GGT1: variants seen among roughly 807,000 people sequenced by gnomAD.
GGT1 encodes the protein glutathione hydrolase 1 proenzyme.
Under a neutral mutation model 56.0 loss-of-function variants are expected in GGT1, and 21 were observed. The ratio of observed to expected loss-of-function variants is 0.38; its 90% CI spans 0.27 to 0.54. The LOEUF (loss-of-function observed/expected upper bound fraction) is 0.54. Ranked by LOEUF, GGT1 falls within the 20% of genes least tolerant of loss-of-function variation. The pLI is 0.82. For missense variants in GGT1, 466 were observed against 787.0 expected (o/e 0.59, Z 4.88); for synonymous variants, 238 against 342.6 (o/e 0.69, Z 3.37).
At chr22:24,625,722 T>C (rs943315530) in intron 11 of GGT1, among the ~76,000 whole-genome samples, 2 of 151,736 alleles carry the variant, frequency 1.3e-5, no homozygotes, top group African/African-American at 4.8e-5. Flanking sequence ...TTTGTATTTT[T>C]AGTAGAGAGG....
chr22:24,625,807 G>T (rs2047718283), intron 11 of GGT1, among the ~76,000 whole-genome samples: 2 of 151,220 alleles, frequency 1.3e-5, no homozygotes, highest in South Asian at 4.2e-4. Flanking sequence ...GGGATTACAG[G>T]CATGAGCCAC....
At position 24,620,202 on chromosome 22, in the gene GGT1, A is replaced by T. The variant is rs3984357; in HGVS notation, c.383-126A>T. Reference sequence around the variant, plus strand: ...CCCAACTCAAAAAAGAAAAAAAAAAAATCTTTCCTCCTAAGCCTCATTGCC... The same window carrying T: ...CCCAACTCAAAAAAGAAAAAAAAAATATCTTTCCTCCTAAGCCTCATTGCC... On this transcript the variant is annotated intron_variant, in intron 7 of 15. Coordinates refer to ENST00000400382, the MANE Select transcript of GGT1 (RefSeq NM_001288833.2). The surrounding 1 kb of genome is among the most constrained non-coding windows in gnomAD (Gnocchi z 5.6). 0.22 allele frequency: 236,876 copies of T among 1,096,698 alleles called. 37,406 individuals carry two copies. Among genetic ancestry groups the T allele is most frequent in the African/African-American group, 0.51 (32,571 of 64,236 alleles). 67.9% of individuals were successfully genotyped at this position (1,096,698 alleles called of 1,614,324 possible).
chr22:24,597,640 C>T (rs2045717141), intron 1 of GGT1, among the ~76,000 whole-genome samples: 1 of 150,938 alleles, frequency 6.6e-6, no homozygotes, highest in Non-Finnish European at 1.5e-5. Context: ...GAGATAGCAC[C>T]ACGGCATTCC....
intron 10 of GGT1, 61 bp downstream of exon 10, chr22:24,623,317 C>T (rs2047543049): frequency 7.0e-7 from 1 of 1,425,952 alleles, no homozygotes; most frequent in South Asian, 1.2e-5. Context: ...TCTCCCCACG[C>T]CCCACCCCTC....
In GGT1 at chr22:24,620,440, C is replaced by T. The variant is rs1162066141; in HGVS notation, c.495C>T (p.Arg165=). 6.2e-7 allele frequency: 1 copy of T among 1,611,782 alleles called. No homozygotes were observed. Among genetic ancestry groups the T allele is most frequent in the Admixed American group, 1.7e-5 (1 of 60,014 alleles). ...TCCAGCCCAGCATCCAGCTGGCCCG[C>T]CAGGGCTTCCCCGTGGGCAAGGGCT... ...RLFQPSIQLA[R]QGFPVGKGLA... Residue 165 remains arginine, a synonymous_variant, in exon 8 of 16, where the codon CGC becomes CGT. Transcript: ENST00000400382. This position sits in a 1 kb window ranked among gnomAD's most constrained non-coding sequence, Gnocchi z 5.6.
At chr22:24,589,678 G>A in the GGT1 span, 1 of 933,008 alleles carries the variant, frequency 1.1e-6, no homozygotes, top group Non-Finnish European at 1.5e-6. Flanking sequence ...GCTGGCAGCA[G>A]GTCTCAGACA....
At chr22:24,625,666 C>T (rs1320788382) in intron 11 of GGT1, among the ~76,000 whole-genome samples, 5 of 151,854 alleles carry the variant, frequency 3.3e-5, no homozygotes, top group Non-Finnish European at 5.9e-5. Flanking sequence ...CTCAGCCTCC[C>T]GAGTAGCTGG....
chr22:24,605,697 TTTAA>T (rs2046170183), intron 1 of GGT1, among the ~76,000 whole-genome samples: 1 of 71,980 alleles, frequency 1.4e-5, no homozygotes, highest in Non-Finnish European at 2.1e-5. Flanking sequence ...GTATTATATA[TTTAA>T]TATTATATAA....
chr22:24,624,181 G>T (rs1320039800), intron 11 of GGT1: 10 of 985,378 alleles, frequency 1.0e-5, no homozygotes, highest in Non-Finnish European at 1.2e-5. Flanking sequence ...CGAGTGCTCA[G>T]TGCTGAGATG....
At chr22:24,616,328 C>T (rs2047063507) in intron 7 of GGT1, among the ~76,000 whole-genome samples, 1 of 151,152 alleles carries the variant, frequency 6.6e-6, no homozygotes, top group African/African-American at 2.4e-5. Flanking sequence ...GCAGGAGAAT[C>T]GCTTGAACCC....
the GGT1 span, chr22:24,585,944 G>A: frequency 1.2e-6 from 2 of 1,609,342 alleles, no homozygotes; most frequent in Middle Eastern, 1.7e-4. Context: ...GGAGTCCCAG[G>A]TGGAGGCAGG....
intron 4 of GGT1, among the ~76,000 whole-genome samples, chr22:24,610,854 G>A (rs1236435424): frequency 2.0e-5 from 3 of 151,092 alleles, no homozygotes; most frequent in African/African-American, 7.3e-5. Flanking sequence ...AAGATAAGCA[G>A]GGAGGATTTG....
At chr22:24,589,229 A>T in the GGT1 span, 5 of 1,258,928 alleles carry the variant, frequency 4.0e-6, no homozygotes, top group Non-Finnish European at 5.2e-6. Flanking sequence ...TCATGGCAGG[A>T]CATCTGCAGG....
At position 24,628,529 on chromosome 22, in the gene GGT1, G is replaced by T; in HGVS notation, c.1563+141G>T. On this transcript the variant is annotated intron_variant, in intron 15 of 15. Coordinates refer to ENST00000400382, the MANE Select transcript of GGT1 (RefSeq NM_001288833.2). This position sits in a 1 kb window ranked among gnomAD's most constrained non-coding sequence, Gnocchi z 5.7. The stretch of plus-strand genomic sequence containing the variant: ...GCCATCTGGAGCCCCTGTGCCATGA[G>T]GGCCAAGCCCCCTGCTCCAGTGAGA... 1.7e-6 allele frequency: 2 copies of T among 1,205,942 alleles called. No individual in the cohort carries two copies. The highest frequency in any genetic ancestry group is 5.0e-5 in the East Asian group (2 of 39,796). 74.7% of individuals were successfully genotyped at this position (1,205,942 alleles called of 1,614,324 possible). A position where few individuals can be genotyped will look rare whatever the true frequency, so the allele number is the denominator to read the frequency against.
At chr22:24,614,489 A>G (rs2046926111) in intron 5 of GGT1, among the ~76,000 whole-genome samples, 1 of 148,548 alleles carries the variant, frequency 6.7e-6, no homozygotes. Context: ...GGTGGCATGC[A>G]CCTGTAGTCC....
intron 5 of GGT1, 142 bp from the exon 6 acceptor site, chr22:24,614,634 A>G (rs2147374119): frequency 1.4e-6 from 1 of 738,342 alleles, no homozygotes; most frequent in Middle Eastern, 4.1e-4. Context: ...AAAAAAAAGA[A>G]AGAAAGAAAC....
intron 1 of GGT1, among the ~76,000 whole-genome samples, chr22:24,604,758 C>T (rs969435114): frequency 4.6e-5 from 7 of 151,602 alleles, no homozygotes; most frequent in African/African-American, 1.7e-4. Flanking sequence ...ATGTGACACA[C>T]TCAGCATGTG....
upstream of GGT1, among the ~76,000 whole-genome samples, chr22:24,600,024 C>T (rs949486469): frequency 6.6e-6 from 1 of 152,172 alleles, no homozygotes; most frequent in African/African-American, 2.4e-5. Flanking sequence ...TCCTCCACCC[C>T]CATCCCCTCC....
upstream of GGT1, among the ~76,000 whole-genome samples, chr22:24,594,477 T>C (rs1305576340): frequency 6.6e-6 from 1 of 151,626 alleles, no homozygotes; most frequent in East Asian, 1.9e-4. Context: ...GGTTAAGCAC[T>C]GCCTGCCCAG....
Sources: allele counts gnomAD v4.1 joint callset (sites outside exome capture counted in the v4.1 genomes callset), GRCh38; gene constraint gnomAD v4.1.1; non-coding constraint Gnocchi (gnomAD v3.1); transcripts MANE v1.5; gene names NCBI Gene and HGNC (gene_info 2026-07-23, HGNC 2026-07-21).